Variants in FRMPD4 observed in about 807,000 individuals in gnomAD.
FRMPD4 encodes the protein FERM and PDZ domain containing 4.
FRMPD4 carries 22 observed loss-of-function variants against 94.1 expected under a neutral mutation model. The observed-to-expected ratio is 0.23, with a 90% CI of 0.17 to 0.33. The LOEUF (loss-of-function observed/expected upper bound fraction) is 0.33, where lower values mean the gene tolerates loss of function less well. Among genes scored for constraint, FRMPD4 ranks in the 10% least tolerant of loss-of-function variants. FRMPD4 has a pLI of 1.00. For synonymous variants in FRMPD4, 631 were observed against 548.6 expected (o/e 1.15, Z -2.10); for missense variants, 1,111 against 1,339.9 (o/e 0.83, Z 2.67).
At chrX:11,851,615 T>C (rs17281143) in intron 1 of FRMPD4, among the ~76,000 whole-genome samples, 14,082 of 111,053 alleles carry the variant, frequency 0.13, 1,114 homozygotes, top group African/African-American at 0.28. Context: ...AGGATGTTTT[T>C]ATGGTAGAGA....
At chrX:12,508,991 C>CAA (rs770698547) in intron 2 of FRMPD4, among the ~76,000 whole-genome samples, 11,130 of 30,350 alleles carry the variant, frequency 0.37, 2,253 homozygotes, top group Non-Finnish European at 0.44. Flanking sequence ...GACTCTGTCT[C>CAA]AAAAAAAAAA....
intron 1 of FRMPD4, among the ~76,000 whole-genome samples, chrX:11,842,356 G>A (rs1352917907): frequency 5.1e-5 from 5 of 98,423 alleles, no homozygotes; most frequent in Middle Eastern, 5.1e-3. Context: ...CCATTTTCAC[G>A]ATATTGATTC....
chrX:12,527,527 A>G lies in FRMPD4; in HGVS notation c.158+28731A>G, dbSNP rs1483344830. ...TTTTTGTCTTCCTTCTTTGTGAAAC[A>G]TAAGCAAATCACCACACTTTTAGAA... On this transcript the variant is annotated intron_variant, in intron 2 of 16. Coordinates refer to ENST00000675598, the MANE Select transcript of FRMPD4 (RefSeq NM_001368397.1). Among the ~76,000 whole-genome samples the G allele has an allele frequency of 3.9e-5, 4 of 102,461 alleles. No individual in the cohort carries two copies. The East Asian group carries it at 1.2e-3, about 31-fold the overall frequency. The allele number at this position is 102,461 out of a possible 115,157, so 89.0% of individuals were successfully genotyped here.
intron 2 of FRMPD4, among the ~76,000 whole-genome samples, chrX:12,563,992 G>C (rs990286530): frequency 6.2e-5 from 7 of 112,201 alleles, no homozygotes; most frequent in African/African-American, 2.3e-4. Context: ...CAACTCTGGG[G>C]GCTAGGAAGC....
intron 1 of FRMPD4, among the ~76,000 whole-genome samples, chrX:12,156,937 G>A (rs767564789): frequency 8.9e-6 from 1 of 111,769 alleles, no homozygotes; most frequent in East Asian, 2.8e-4. Flanking sequence ...ATAAATGAAG[G>A]CATGAGAATA....
At chrX:12,181,250 G>A (rs896690531) in intron 1 of FRMPD4, among the ~76,000 whole-genome samples, 1 of 111,782 alleles carries the variant, frequency 8.9e-6, no homozygotes, top group Non-Finnish European at 1.9e-5. Flanking sequence ...GTGGCAGGAG[G>A]TATAATTTAT....
chrX:12,206,260 A>G (rs1467651113), intron 1 of FRMPD4, among the ~76,000 whole-genome samples: 1 of 112,400 alleles, frequency 8.9e-6, no homozygotes, highest in Non-Finnish European at 1.9e-5. Context: ...CTAGTATTGC[A>G]TAGGTATTTA....
chrX:12,661,861 G>A (rs2059717481), intron 4 of FRMPD4, among the ~76,000 whole-genome samples: 1 of 111,885 alleles, frequency 8.9e-6, no homozygotes, highest in Non-Finnish European at 1.9e-5. Flanking sequence ...GTGCAGTCCT[G>A]TGGCGACTTT....
At chrX:12,040,553 CTTT>C (rs760980082) in intron 3 of FRMPD4, among the ~76,000 whole-genome samples, 2 of 58,903 alleles carry the variant, frequency 3.4e-5, no homozygotes, top group African/African-American at 7.3e-5. Context: ...TTATGTCTGC[CTTT>C]TTTTTTTTTT....
intron 3 of FRMPD4, among the ~76,000 whole-genome samples, chrX:12,075,354 G>A (rs979207357): frequency 5.6e-5 from 6 of 107,125 alleles, no homozygotes; most frequent in Admixed American, 3.0e-4. Context: ...GTGTGTGTGG[G>A]GGGTGGTATA....
intron 2 of FRMPD4, among the ~76,000 whole-genome samples, chrX:12,580,522 T>C (rs190278145): frequency 8.9e-6 from 1 of 112,206 alleles, no homozygotes; most frequent in African/African-American, 3.2e-5. Flanking sequence ...TAATAATGAA[T>C]AGACCATTTA....
intron 1 of FRMPD4, among the ~76,000 whole-genome samples, chrX:12,392,003 G>A (rs2056481346): frequency 9.0e-6 from 1 of 110,910 alleles, no homozygotes; most frequent in Admixed American, 9.6e-5. Context: ...CAATAGAGCT[G>A]TGCAACTGAT....
chrX:12,337,593 T>A (rs2055547300), intron 1 of FRMPD4, among the ~76,000 whole-genome samples: 1 of 112,128 alleles, frequency 8.9e-6, no homozygotes, highest in South Asian at 3.8e-4. Context: ...CAAATATGCC[T>A]TTGAGCTTAA....
chrX:12,523,614 T>C (rs2058187663), intron 2 of FRMPD4, among the ~76,000 whole-genome samples: 1 of 112,090 alleles, frequency 8.9e-6, no homozygotes, highest in African/African-American at 3.2e-5. Context: ...CATGCTGCCT[T>C]TCTGTAGTTT....
intron 1 of FRMPD4, among the ~76,000 whole-genome samples, chrX:12,267,092 C>A (rs2054287903): frequency 8.9e-6 from 1 of 111,852 alleles, no homozygotes; most frequent in African/African-American, 3.2e-5. Flanking sequence ...GGGAAAATAT[C>A]AGAATTCCAA....
chrX:12,181,457 A>G (rs2056357522), intron 1 of FRMPD4, among the ~76,000 whole-genome samples: 1 of 111,920 alleles, frequency 8.9e-6, no homozygotes, highest in African/African-American at 3.2e-5. Flanking sequence ...GAGAGGTTGC[A>G]AGCATAGTCA....
chrX:11,842,245 C>A (rs968140965), intron 1 of FRMPD4, among the ~76,000 whole-genome samples: 1 of 102,467 alleles, frequency 9.8e-6, no homozygotes, highest in Non-Finnish European at 1.9e-5. Context: ...TATTTTGGTT[C>A]CATATGAACT....
intron 1 of FRMPD4, among the ~76,000 whole-genome samples, chrX:12,422,026 A>ATTTTGGTATGTAAAACAT (rs1569270112): frequency 2.7e-5 from 3 of 112,329 alleles, no homozygotes; most frequent in African/African-American, 9.7e-5. Flanking sequence ...GGTGTAAAAC[A>ATTTTGGTATGTAAAACAT]TTTTGGTATG....
At chrX:12,372,249 G>T (rs1031583751) in intron 1 of FRMPD4, among the ~76,000 whole-genome samples, 4 of 112,675 alleles carry the variant, frequency 3.6e-5, no homozygotes, top group African/African-American at 1.3e-4. Flanking sequence ...TTTGACATTC[G>T]CTAACTTTCA....
Sources: gnomAD v4.1 joint callset for allele counts (sites outside exome capture counted in the v4.1 genomes callset) on GRCh38, gnomAD v4.1.1 for gene constraint, MANE v1.5 for transcripts, NCBI Gene and HGNC (gene_info 2026-07-23, HGNC 2026-07-21) for gene names.